The following PRIM2 variants were observed in gnomAD, a reference collection of about 807,000 sequenced individuals.
The protein encoded by PRIM2 is DNA primase large subunit.
Under a neutral mutation model 67.3 loss-of-function variants are expected in PRIM2, and 39 were observed. That is an observed-to-expected ratio of 0.58 (90% CI 0.45 to 0.76). The LOEUF (loss-of-function observed/expected upper bound fraction) is 0.76, where lower values mean the gene tolerates loss of function less well. Ranked by LOEUF, PRIM2 falls within the 30% of genes least tolerant of loss-of-function variation. The pLI, the probability that PRIM2 is intolerant of heterozygous loss-of-function variation, is 0.00. For missense variants in PRIM2, 398 were observed against 598.7 expected (o/e 0.66, Z 3.50); for synonymous variants, 143 against 198.7 (o/e 0.72, Z 2.36).
intron 5 of PRIM2, among the ~76,000 whole-genome samples, chr6:57,341,557 A>G (rs1768491660): frequency 6.6e-6 from 1 of 152,144 alleles, no homozygotes; most frequent in Non-Finnish European, 1.5e-5. Flanking sequence ...GCTTGTCCCC[A>G]GGTCTCTGTA....
At chr6:57,490,484 A>C (rs1310190886) in intron 7 of PRIM2, among the ~76,000 whole-genome samples, 1 of 152,226 alleles carries the variant, frequency 6.6e-6, no homozygotes, top group Non-Finnish European at 1.5e-5. Flanking sequence ...AGGAGATAAC[A>C]AAAGGAATAG....
the PRIM2 span, among the ~76,000 whole-genome samples, chr6:57,302,381 G>T: frequency 6.6e-6 from 1 of 152,162 alleles, no homozygotes; most frequent in African/African-American, 2.4e-5. Flanking sequence ...TGACTTTTCA[G>T]TGTTTTCCCC....
At chr6:57,418,409 T>TTTTTTTTTTTTTTTTTTTTTTTG (rs1771351474) in intron 7 of PRIM2, among the ~76,000 whole-genome samples, 1 of 130,290 alleles carries the variant, frequency 7.7e-6, no homozygotes, top group East Asian at 2.1e-4. Context: ...TTTTTTTTTT[T>TTTTTTTTTTTTTTTTTTTTTTTG]TTTTTTTTAA....
chr6:57,240,549 G>A, the PRIM2 span, among the ~76,000 whole-genome samples: 1 of 152,072 alleles, frequency 6.6e-6, no homozygotes, highest in Non-Finnish European at 1.5e-5. Flanking sequence ...GAATACTCAG[G>A]ACCCAGGAAA....
At chr6:57,448,677 A>C (rs1772437685) in intron 7 of PRIM2, among the ~76,000 whole-genome samples, 1 of 152,184 alleles carries the variant, frequency 6.6e-6, no homozygotes, top group Non-Finnish European at 1.5e-5. Context: ...TTAAATTTGC[A>C]ATCAGTTAAA....
At chr6:57,482,655 T>C (rs1417523151) in intron 7 of PRIM2, among the ~76,000 whole-genome samples, 43 of 152,212 alleles carry the variant, frequency 2.8e-4, no homozygotes, top group African/African-American at 9.4e-4. Flanking sequence ...CCGTGAAAGA[T>C]TGAAGATGCG....
intron 7 of PRIM2, among the ~76,000 whole-genome samples, chr6:57,388,037 A>G (rs1770207575): frequency 6.6e-6 from 1 of 152,190 alleles, no homozygotes; most frequent in Non-Finnish European, 1.5e-5. Context: ...TTTTTTTAGA[A>G]TCAAAAAGGC....
intron 10 of PRIM2, among the ~76,000 whole-genome samples, chr6:57,589,811 A>G (rs1223547335): frequency 3.3e-5 from 5 of 152,164 alleles, no homozygotes; most frequent in African/African-American, 7.2e-5. Context: ...TGAGGTTTCA[A>G]TTGAGAAGTT....
At chr6:57,420,900 T>C (rs1771440246) in intron 7 of PRIM2, among the ~76,000 whole-genome samples, 1 of 152,230 alleles carries the variant, frequency 6.6e-6, no homozygotes, top group Non-Finnish European at 1.5e-5. Flanking sequence ...AATGTAATTC[T>C]AGCATTCAGA....
chr6:57,297,086 G>C, the PRIM2 span, among the ~76,000 whole-genome samples: 1 of 152,106 alleles, frequency 6.6e-6, no homozygotes, highest in Non-Finnish European at 1.5e-5. Context: ...GGTGGAAGAG[G>C]GGAACATGCT....
intron 5 of PRIM2, among the ~76,000 whole-genome samples, chr6:57,365,949 C>CA (rs5876544): frequency 0.62 from 38,823 of 62,530 alleles, 12,825 homozygotes; most frequent in South Asian, 0.67. Context: ...GACCATATCT[C>CA]AAAAAAAAAA....
chr6:57,236,863 C>T, the PRIM2 span, among the ~76,000 whole-genome samples: 4 of 152,132 alleles, frequency 2.6e-5, no homozygotes, highest in African/African-American at 9.7e-5. Context: ...GTGAATAGTG[C>T]CGCAATGAAC....
chr6:57,339,534 C>T (rs1243489249), intron 5 of PRIM2, among the ~76,000 whole-genome samples: 1 of 152,030 alleles, frequency 6.6e-6, no homozygotes, highest in African/African-American at 2.4e-5. Context: ...CAGAACAGAG[C>T]CCTCAGAAAT....
chr6:57,552,319 A>G (rs1267328136), intron 10 of PRIM2, among the ~76,000 whole-genome samples: 1 of 152,102 alleles, frequency 6.6e-6, no homozygotes, highest in Admixed American at 6.5e-5. Context: ...AGGGGCTGTC[A>G]TTTAAAACAA....
At chr6:57,385,863 A>AT (rs1770128156) in intron 7 of PRIM2, among the ~76,000 whole-genome samples, 1 of 151,206 alleles carries the variant, frequency 6.6e-6, no homozygotes, top group African/African-American at 2.4e-5. Flanking sequence ...CATGATTTTG[A>AT]TTCAGCCCAA....
At chr6:57,284,855 G>T in the PRIM2 span, among the ~76,000 whole-genome samples, 39 of 151,960 alleles carry the variant, frequency 2.6e-4, no homozygotes, top group Non-Finnish European at 4.7e-4. Flanking sequence ...ATTTTGCAAA[G>T]ATTAACAAAA....
intron 5 of PRIM2, among the ~76,000 whole-genome samples, chr6:57,378,446 G>A (rs1293728270): frequency 2.0e-5 from 3 of 152,046 alleles, no homozygotes; most frequent in Non-Finnish European, 4.4e-5. Flanking sequence ...TGTACACATG[G>A]TAGCATAGTT....
the PRIM2 span, among the ~76,000 whole-genome samples, chr6:57,245,740 G>T: frequency 1.3e-5 from 2 of 152,194 alleles, no homozygotes; most frequent in Non-Finnish European, 2.9e-5. Flanking sequence ...ATAATTATCA[G>T]ATCAGGAGTG....
the PRIM2 span, among the ~76,000 whole-genome samples, chr6:57,233,765 C>T: frequency 6.6e-6 from 1 of 151,740 alleles, no homozygotes; most frequent in African/African-American, 2.4e-5. Flanking sequence ...TTCGATCCTT[C>T]TGCTTCAGCC....
Sources: allele counts gnomAD v4.1 joint callset (sites outside exome capture counted in the v4.1 genomes callset), GRCh38; gene constraint gnomAD v4.1.1; transcripts MANE v1.5; gene names NCBI Gene and HGNC (gene_info 2026-07-23, HGNC 2026-07-21).